The following SCHIP1 variants were observed in gnomAD, a reference collection of about 807,000 sequenced individuals.
The protein encoded by SCHIP1 is schwannomin interacting protein 1, also known as schwannomin-interacting protein 1.
SCHIP1 carries 8 observed loss-of-function variants against 29.7 expected under a neutral mutation model. The observed-to-expected ratio is 0.27, with a 90% CI of 0.16 to 0.49. SCHIP1 has a LOEUF of 0.49. SCHIP1 is among the 20% of genes least tolerant of loss of function. SCHIP1 has a pLI of 0.99. For missense variants in SCHIP1, 193 were observed against 294.6 expected (o/e 0.66, Z 2.52); for synonymous variants, 76 against 94.9 (o/e 0.80, Z 1.16).
chr3:159,840,539 A>T (rs980514694), intron 1 of SCHIP1, among the ~76,000 whole-genome samples: 3 of 152,212 alleles, frequency 2.0e-5, no homozygotes, highest in African/African-American at 4.8e-5. Flanking sequence ...TCTGTTTGGA[A>T]TCTCACATCG....
At chr3:159,648,762 T>C in the SCHIP1 span, among the ~76,000 whole-genome samples, 1 of 151,988 alleles carries the variant, frequency 6.6e-6, no homozygotes, top group African/African-American at 2.4e-5. Flanking sequence ...AGCCTGGTTC[T>C]AGCTGTGGCG....
chr3:159,855,622 A>G (rs1413189682), intron 1 of SCHIP1, among the ~76,000 whole-genome samples: 5 of 152,166 alleles, frequency 3.3e-5, no homozygotes, highest in Non-Finnish European at 7.3e-5. Flanking sequence ...GATATTTTAG[A>G]GAATAAAATG....
At chr3:159,680,154 C>T in the SCHIP1 span, among the ~76,000 whole-genome samples, 2 of 151,886 alleles carry the variant, frequency 1.3e-5, no homozygotes, top group Non-Finnish European at 2.9e-5. Flanking sequence ...ATATCCCCAG[C>T]ACCTGGAACA....
the SCHIP1 span, among the ~76,000 whole-genome samples, chr3:159,758,485 A>G: frequency 6.6e-6 from 1 of 152,072 alleles, no homozygotes; most frequent in Non-Finnish European, 1.5e-5. Flanking sequence ...TAGCAACTTA[A>G]GGAAAGTAGA....
chr3:159,641,701 G>A, the SCHIP1 span, among the ~76,000 whole-genome samples: 3 of 152,096 alleles, frequency 2.0e-5, no homozygotes, highest in Admixed American at 2.0e-4. Context: ...CAAATGGGTG[G>A]CACATGTGCA....
the SCHIP1 span, among the ~76,000 whole-genome samples, chr3:159,815,569 A>G: frequency 2.0e-5 from 3 of 152,242 alleles, no homozygotes; most frequent in African/African-American, 7.2e-5. Flanking sequence ...CATTAACAAC[A>G]GCATTCTCCA....
the SCHIP1 span, among the ~76,000 whole-genome samples, chr3:159,775,095 A>C: frequency 6.6e-6 from 1 of 152,226 alleles, no homozygotes; most frequent in East Asian, 1.9e-4. Flanking sequence ...GAAGCAGTGC[A>C]TTAGTCTGCA....
chr3:159,590,202 A>C, the SCHIP1 span, among the ~76,000 whole-genome samples: 1 of 152,052 alleles, frequency 6.6e-6, no homozygotes, highest in Non-Finnish European at 1.5e-5. Flanking sequence ...ACCAGCTCTG[A>C]CGTGTCTCAG....
the SCHIP1 span, among the ~76,000 whole-genome samples, chr3:159,693,197 A>T: frequency 6.6e-6 from 1 of 152,212 alleles, no homozygotes; most frequent in South Asian, 2.1e-4. Context: ...TAAATTGACA[A>T]TTCAAAAATG....
At chr3:159,614,512 A>C in the SCHIP1 span, among the ~76,000 whole-genome samples, 5 of 152,066 alleles carry the variant, frequency 3.3e-5, no homozygotes, top group Non-Finnish European at 7.4e-5. Context: ...CTTTAACCTA[A>C]CCACGGTGCT....
At chr3:159,394,002 T>G in the SCHIP1 span, among the ~76,000 whole-genome samples, 7 of 152,016 alleles carry the variant, frequency 4.6e-5, no homozygotes, top group Admixed American at 3.9e-4. Context: ...AGCAATGGTT[T>G]GTAGTTCTCC....
the SCHIP1 span, among the ~76,000 whole-genome samples, chr3:159,385,373 C>T: frequency 1.3e-5 from 2 of 152,126 alleles, no homozygotes; most frequent in Non-Finnish European, 2.9e-5. Flanking sequence ...GCCTGGCCAA[C>T]ATGGCAAAAT....
At chr3:159,891,014 G>T (rs566227068) in intron 5 of SCHIP1, among the ~76,000 whole-genome samples, 1 of 152,168 alleles carries the variant, frequency 6.6e-6, no homozygotes, top group South Asian at 2.1e-4. Flanking sequence ...GAGAGCCTTT[G>T]CTTGTTCATG....
the SCHIP1 span, among the ~76,000 whole-genome samples, chr3:159,513,523 A>G: frequency 3.3e-5 from 5 of 152,142 alleles, no homozygotes; most frequent in African/African-American, 1.2e-4. Context: ...ACTTAGATTA[A>G]GTGTCTTTCC....
At chr3:159,834,697 A>G in the SCHIP1 span, among the ~76,000 whole-genome samples, 2 of 152,212 alleles carry the variant, frequency 1.3e-5, no homozygotes, top group Non-Finnish European at 2.9e-5. Context: ...TGATGCCACA[A>G]GTAGAAAATT....
At chr3:159,644,557 G>A in the SCHIP1 span, among the ~76,000 whole-genome samples, 3 of 151,944 alleles carry the variant, frequency 2.0e-5, no homozygotes, top group African/African-American at 4.8e-5. Flanking sequence ...TTACATTGGT[G>A]ACCACAGAAA....
intron 2 of SCHIP1, among the ~76,000 whole-genome samples, chr3:159,877,585 G>T (rs1228226169): frequency 1.3e-5 from 2 of 152,140 alleles, no homozygotes; most frequent in Admixed American, 1.3e-4. Context: ...TGCTTTAATG[G>T]TCAAAAGAAT....
chr3:159,451,797 G>A, the SCHIP1 span, among the ~76,000 whole-genome samples: 1 of 152,126 alleles, frequency 6.6e-6, no homozygotes, highest in Non-Finnish European at 1.5e-5. Context: ...AATGTTCTAG[G>A]AGGAAGACAT....
the SCHIP1 span, among the ~76,000 whole-genome samples, chr3:159,311,515 T>C: frequency 6.6e-6 from 1 of 152,304 alleles, no homozygotes; most frequent in African/African-American, 2.4e-5. Context: ...AGAATGATTA[T>C]GGCTAATAAT....
Sources: allele counts gnomAD v4.1 joint callset (sites outside exome capture counted in the v4.1 genomes callset), GRCh38; gene constraint gnomAD v4.1.1; transcripts MANE v1.5; gene names NCBI Gene and HGNC (gene_info 2026-07-23, HGNC 2026-07-21).